The following SSBP3 variants were observed in gnomAD, a reference collection of about 807,000 sequenced individuals.
The protein encoded by SSBP3 is single-stranded DNA-binding protein 3.
Under a neutral mutation model 69.6 loss-of-function variants are expected in SSBP3, and 5 were observed. That is an observed-to-expected ratio of 0.07 (90% CI 0.04 to 0.15). The LOEUF is 0.15. SSBP3 is among the 10% of genes least tolerant of loss of function. The probability of loss-of-function intolerance (pLI) is 1.00; values close to 1 mark genes in which losing one functional copy is unlikely to be tolerated. For synonymous variants in SSBP3, 196 were observed against 193.4 expected (o/e 1.01, Z -0.11); for missense variants, 312 against 534.0 (o/e 0.58, Z 4.10).
chr1:54,250,615 G>A (rs1434249543), intron 9 of SSBP3, among the ~76,000 whole-genome samples: 4 of 152,162 alleles, frequency 2.6e-5, no homozygotes, highest in South Asian at 4.1e-4. Context: ...ACACCTGCAC[G>A]CAACCAAGGG....
chr1:54,350,686 G>C (rs573420585), intron 4 of SSBP3, among the ~76,000 whole-genome samples: 2 of 152,262 alleles, frequency 1.3e-5, no homozygotes, highest in East Asian at 1.9e-4. Context: ...TCTCAGCCTG[G>C]GAAGCTGAGC....
intron 5 of SSBP3, among the ~76,000 whole-genome samples, chr1:54,269,334 T>C (rs115474828): frequency 7.2e-4 from 109 of 152,288 alleles, no homozygotes; most frequent in African/African-American, 2.6e-3. Flanking sequence ...CCCAAAGCCC[T>C]TGACGGCCCA....
chr1:54,343,221 T>G (rs796717212), intron 4 of SSBP3, among the ~76,000 whole-genome samples: 2 of 152,284 alleles, frequency 1.3e-5, no homozygotes, highest in African/African-American at 4.8e-5. Flanking sequence ...CGTGATACAT[T>G]CCTCGCTGCG....
intron 14 of SSBP3, among the ~76,000 whole-genome samples, chr1:54,229,901 TC>T (rs1389042509): frequency 6.6e-6 from 1 of 152,078 alleles, no homozygotes; most frequent in African/African-American, 2.4e-5. Flanking sequence ...GATGCTGACT[TC>T]CAAAGACAGC....
chr1:54,278,574 C>T (rs905077691), intron 5 of SSBP3, among the ~76,000 whole-genome samples: 1 of 152,216 alleles, frequency 6.6e-6, no homozygotes. Flanking sequence ...GTGTTGCTTA[C>T]CGAGGGGCTG....
chr1:54,407,910 A>G (rs903624009), upstream of SSBP3, among the ~76,000 whole-genome samples: 9 of 152,156 alleles, frequency 5.9e-5, no homozygotes, highest in Non-Finnish European at 1.0e-4. Flanking sequence ...TTTCAACAAA[A>G]TAAACAATAA....
chr1:54,335,242 C>G (rs187495016), intron 4 of SSBP3, among the ~76,000 whole-genome samples: 1 of 152,332 alleles, frequency 6.6e-6, no homozygotes, highest in African/African-American at 2.4e-5. Flanking sequence ...ATAAACATAG[C>G]CCTGTTCAAG....
chr1:54,366,843 G>A (rs1193147030), intron 4 of SSBP3, among the ~76,000 whole-genome samples: 2 of 152,142 alleles, frequency 1.3e-5, no homozygotes, highest in East Asian at 1.9e-4. Context: ...CTTTAGAAGC[G>A]TTCAATCTTC....
At chr1:54,281,081 G>A (rs1045551207) in intron 5 of SSBP3, among the ~76,000 whole-genome samples, 2 of 152,188 alleles carry the variant, frequency 1.3e-5, no homozygotes, top group African/African-American at 2.4e-5. Context: ...ACAATTTACT[G>A]ATTTTTTTTA....
chr1:54,281,768 C>G (rs1645396475), intron 4 of SSBP3, among the ~76,000 whole-genome samples: 1 of 152,132 alleles, frequency 6.6e-6, no homozygotes, highest in Non-Finnish European at 1.5e-5. Flanking sequence ...CCCCACTGAG[C>G]AAGCAACGAA....
chr1:54,299,495 G>C (rs1645762490), intron 4 of SSBP3, among the ~76,000 whole-genome samples: 2 of 128,076 alleles, frequency 1.6e-5, no homozygotes, highest in African/African-American at 6.4e-5. Flanking sequence ...AATTTGGATA[G>C]AGGTGGCTTT....
upstream of SSBP3, among the ~76,000 whole-genome samples, chr1:54,407,049 G>A (rs1011077106): frequency 4.2e-4 from 64 of 152,176 alleles, no homozygotes; most frequent in African/African-American, 1.2e-3. Flanking sequence ...GGCTCGAGCC[G>A]GCGCCGAGGC....
upstream of SSBP3, among the ~76,000 whole-genome samples, chr1:54,411,130 C>A (rs1016343093): frequency 2.0e-5 from 3 of 152,208 alleles, no homozygotes; most frequent in Non-Finnish European, 4.4e-5. Flanking sequence ...TGAAAGCACC[C>A]ATGTGCTCAG....
At position 54,305,509 on chromosome 1, in the gene SSBP3, GA is replaced by G. The variant is rs1645882781; in HGVS notation, c.277-23983del. 2.0e-5 allele frequency among the ~76,000 whole-genome samples: 3 copies of G among 152,036 alleles called. No individual in the cohort carries two copies. The South Asian group carries it at 6.2e-4, about 32-fold the overall frequency. On this transcript the variant is annotated intron_variant, in intron 4 of 17. Transcript: ENST00000610401. The stretch of plus-strand genomic sequence containing the variant: ...GCCAGGGAACATTTTCAAAATGGAA[GA>G]AAGTTTCAGGCTCCAGGCCACTGGC...
Position 54,332,741 on chromosome 1 carries a change from T to A in SSBP3, c.277-51214A>T, listed in dbSNP as rs573266211. Among the ~76,000 whole-genome samples the A allele has an allele frequency of 2.6e-3, 401 of 151,546 alleles. 4 individuals carry two copies. Among genetic ancestry groups the A allele is most frequent in the African/African-American group, 8.9e-3 (369 of 41,326 alleles). On this transcript the variant is annotated intron_variant, in intron 4 of 17. Coordinates refer to ENST00000610401, the Ensembl canonical transcript of SSBP3. ...GTCTGCCCTGGCTTAGGGAGAAAGA[T>A]AAAAAAAACGGACTTGCTCCCTTGT...
rs184144620 is a variant in SSBP3 at position 54,371,027 on chromosome 1, T to C, written c.276+30834A>G. Among the ~76,000 whole-genome samples, 288 of 152,190 alleles carry C rather than the reference T, an allele frequency of 1.9e-3. 15 individuals are homozygous for C. The South Asian group carries it at 0.041, about 21-fold the overall frequency. ...TTGAAAAGACAGGGCCAACCCCCTC[T>C]CCAGTGGCGGCTGGATGGGAGAGGA... On this transcript the variant is annotated intron_variant, in intron 4 of 17. Coordinates refer to ENST00000610401, the Ensembl canonical transcript of SSBP3.
rs17110379 is a variant in SSBP3 at position 54,324,593 on chromosome 1, G to A, written c.277-43066C>T. Among the ~76,000 whole-genome samples the A allele has an allele frequency of 5.5e-3, 844 of 152,334 alleles. 12 individuals carry two copies. The highest frequency in any genetic ancestry group is 0.019 in the African/African-American group (804 of 41,580). ...ACCCATCACCAAGGCTGGAGAGGCC[G>A]AGGAGAGAAGGCCAGCCTGATTTAC... On this transcript the variant is annotated intron_variant, in intron 4 of 17. Coordinates refer to ENST00000610401, the Ensembl canonical transcript of SSBP3.
intron 14 of SSBP3, among the ~76,000 whole-genome samples, chr1:54,230,573 G>A (rs1354505313): frequency 6.6e-6 from 1 of 152,068 alleles, no homozygotes; most frequent in Middle Eastern, 3.2e-3. Flanking sequence ...CAATTCAGTG[G>A]TTTTCAGTAT....
At chr1:54,345,264 G>A (rs973560646) in intron 4 of SSBP3, among the ~76,000 whole-genome samples, 4 of 152,054 alleles carry the variant, frequency 2.6e-5, no homozygotes, top group Non-Finnish European at 1.5e-5. Context: ...AGAAACACAG[G>A]AGCCCCCATA....
Sources: allele counts gnomAD v4.1 joint callset (sites outside exome capture counted in the v4.1 genomes callset), GRCh38; gene constraint gnomAD v4.1.1; transcripts MANE v1.5; gene names NCBI Gene and HGNC (gene_info 2026-07-23, HGNC 2026-07-21).